The following PSMB7 variants were observed in gnomAD, a reference collection of about 807,000 sequenced individuals.
PSMB7 encodes proteasome subunit beta type-7.
Under a neutral mutation model 28.1 loss-of-function variants are expected in PSMB7, and 5 were observed. The observed-to-expected ratio is 0.18, with a 90% CI of 0.09 to 0.37. The LOEUF is 0.37. Ranked by LOEUF, PSMB7 falls within the 10% of genes least tolerant of loss-of-function variation. The pLI, the probability that PSMB7 is intolerant of heterozygous loss-of-function variation, is 1.00. For missense variants in PSMB7, 275 were observed against 346.2 expected, an observed-to-expected ratio of 0.79 and a Z score of 1.63; for synonymous variants, 122 against 123.7, an observed-to-expected ratio of 0.99 and a Z score of 0.09.
chr9:124,382,253 G>C (rs1305388231), intron 6 of PSMB7, among the ~76,000 whole-genome samples: 23 of 124,102 alleles, frequency 1.9e-4, no homozygotes, highest in African/African-American at 7.0e-4. Context: ...TGTCACCCAG[G>C]CTGGAATGCA....
At chr9:124,379,381 T>C (rs1374603282) in intron 6 of PSMB7, among the ~76,000 whole-genome samples, 1 of 151,928 alleles carries the variant, frequency 6.6e-6, no homozygotes, top group Non-Finnish European at 1.5e-5. Context: ...GGCAAGGGAA[T>C]AGAAACGACC....
intron 6 of PSMB7, among the ~76,000 whole-genome samples, chr9:124,374,680 C>A (rs1176816594): frequency 6.6e-6 from 1 of 151,978 alleles, no homozygotes; most frequent in African/African-American, 2.4e-5. Flanking sequence ...TTTTAATTAG[C>A]TGAGCACGGT....
intron 5 of PSMB7, among the ~76,000 whole-genome samples, chr9:124,397,938 C>A (rs1237011475): frequency 6.6e-6 from 1 of 152,158 alleles, no homozygotes; most frequent in African/African-American, 2.4e-5. Context: ...GAGGCCGAGG[C>A]GGGTGGATCA....
chr9:124,382,744 C>A (rs10818954), intron 6 of PSMB7, among the ~76,000 whole-genome samples: 10,595 of 152,210 alleles, frequency 0.07, 960 homozygotes, highest in East Asian at 0.45. Context: ...CGAAAGGATG[C>A]TGACATTCCC....
intron 6 of PSMB7, among the ~76,000 whole-genome samples, chr9:124,362,290 A>G (rs1030281224): frequency 6.6e-6 from 1 of 152,212 alleles, no homozygotes; most frequent in Admixed American, 6.5e-5. Context: ...GCAGAAAACA[A>G]AGAGATACTC....
chr9:124,372,967 C>A (rs1252049041), intron 6 of PSMB7, among the ~76,000 whole-genome samples: 2 of 152,196 alleles, frequency 1.3e-5, no homozygotes, highest in African/African-American at 4.8e-5. Context: ...TAAGATGCCA[C>A]AAAATTCAAA....
At chr9:124,388,910 G>A (rs1478165214) in intron 5 of PSMB7, among the ~76,000 whole-genome samples, 1 of 152,130 alleles carries the variant, frequency 6.6e-6, no homozygotes, top group African/African-American at 2.4e-5. Flanking sequence ...TCTGCAACTT[G>A]TCCATCCTTT....
chr9:124,385,300 C>CA (rs1830708135), intron 5 of PSMB7, among the ~76,000 whole-genome samples: 3 of 152,152 alleles, frequency 2.0e-5, no homozygotes, highest in Admixed American at 6.5e-5. Flanking sequence ...GACAAAGAAA[C>CA]AAAAATTTAT....
chr9:124,356,768 T>C lies in PSMB7; in HGVS notation c.718A>G (p.Thr240Ala). ...AACTTCGTCTCCTTCACTCACCTGGTCCCCTTCTTGTTGGGCACTGTGTAT... is the reference window on the plus strand; with the variant it reads ...AACTTCGTCTCCTTCACTCACCTGGCCCCCTTCTTGTTGGGCACTGTGTAT... ...RPYTVPNKKG[T>A]RLGRYRCEKG... Residue 240 changes from threonine to alanine, a missense_variant, in exon 7 of 8, where the codon ACC becomes GCC. Thr to Ala is a moderately conservative substitution (Grantham distance 58, BLOSUM62 0). Transcript: ENST00000259457. The surrounding 1 kb of genome is among the most constrained non-coding windows in gnomAD (Gnocchi z 4.4). The C allele has an allele frequency of 6.2e-7, 1 of 1,612,466 alleles. No homozygotes were observed.
intron 6 of PSMB7, among the ~76,000 whole-genome samples, chr9:124,372,678 T>C (rs1035972117): frequency 6.6e-6 from 1 of 152,192 alleles, no homozygotes; most frequent in African/African-American, 2.4e-5. Flanking sequence ...CTTTCAACTT[T>C]GACTTTTAAT....
intron 6 of PSMB7, among the ~76,000 whole-genome samples, chr9:124,361,642 G>A (rs1049867088): frequency 7.9e-5 from 12 of 152,240 alleles, no homozygotes; most frequent in South Asian, 2.1e-4. Flanking sequence ...GTGTTGTAAT[G>A]CTATTAAACT....
intron 6 of PSMB7, among the ~76,000 whole-genome samples, chr9:124,362,535 C>T (rs1313217175): frequency 6.6e-6 from 1 of 152,228 alleles, no homozygotes; most frequent in Non-Finnish European, 1.5e-5. Flanking sequence ...CAACCATTTG[C>T]TCCTTCATTA....
rs559252194 is a variant in PSMB7, at chr9:124,357,262, T to C, written c.571-347A>G. On this transcript the variant is annotated intron_variant, in intron 6 of 7. Transcript: ENST00000259457. ...GGCCAAAAGTCTCTACCACACCTAC[T>C]CAACTCTGTCACGCTAGCACAAAAC... 4.6e-5 allele frequency among the ~76,000 whole-genome samples: 7 copies of C among 152,196 alleles called. No homozygotes were observed. In the East Asian group the frequency reaches 1.4e-3, roughly 29 times the overall value.
At chr9:124,361,377 TCCACGTCGG>T (rs911379149) in intron 6 of PSMB7, among the ~76,000 whole-genome samples, 1 of 152,126 alleles carries the variant, frequency 6.6e-6, no homozygotes, top group African/African-American at 2.4e-5. Flanking sequence ...CACAAAGAGG[TCCACGTCGG>T]CCACGTAATG....
chr9:124,380,401 C>T (rs1036735030), intron 6 of PSMB7, among the ~76,000 whole-genome samples: 1 of 152,060 alleles, frequency 6.6e-6, no homozygotes, highest in Admixed American at 6.6e-5. Context: ...ATCTGCCAAG[C>T]GTGGTGGTAC....
intron 5 of PSMB7, among the ~76,000 whole-genome samples, chr9:124,385,167 C>T (rs1000562708): frequency 6.6e-6 from 1 of 152,190 alleles, no homozygotes; most frequent in African/African-American, 2.4e-5. Context: ...AATAGGACTG[C>T]GAGCAGCAGC....
intron 1 of PSMB7, 38 bp from the exon 2 acceptor site, chr9:124,414,973 G>A (rs188042913): frequency 7.0e-7 from 1 of 1,420,258 alleles, no homozygotes; most frequent in Non-Finnish European, 9.9e-7. Flanking sequence ...TGAAGGGCAG[G>A]ACCACATCGC....
At chr9:124,374,912 C>T (rs535153167) in intron 6 of PSMB7, among the ~76,000 whole-genome samples, 11 of 152,162 alleles carry the variant, frequency 7.2e-5, no homozygotes, top group South Asian at 2.1e-4. Context: ...GAGGCTGAGG[C>T]GGCAGATCAC....
Position 124,356,700 on chromosome 9 carries a change from T to G in PSMB7, c.722+64A>C. On this transcript the variant is annotated intron_variant, in intron 7 of 7. Coordinates refer to ENST00000259457, the MANE Select transcript of PSMB7 (RefSeq NM_002799.4). This position sits in a 1 kb window ranked among gnomAD's most constrained non-coding sequence, Gnocchi z 4.4. ...CCAGGAAAACTCCATCCAGATGCCA[T>G]GGAGATACCAAGGGTGGCCACGACG... The G allele has an allele frequency of 3.7e-5, 57 of 1,534,668 alleles. No homozygotes were observed. Among genetic ancestry groups the G allele is most frequent in the Non-Finnish European group, 4.6e-5 (52 of 1,123,612 alleles).
Sources: allele counts gnomAD v4.1 joint callset (sites outside exome capture counted in the v4.1 genomes callset), GRCh38; gene constraint gnomAD v4.1.1; non-coding constraint Gnocchi (gnomAD v3.1); transcripts MANE v1.5; gene names NCBI Gene and HGNC (gene_info 2026-07-23, HGNC 2026-07-21).